Variants in DDB2 observed in about 807,000 individuals in gnomAD.
The protein encoded by DDB2 is DNA damage-binding protein 2.
In DDB2, 27 loss-of-function variants were observed where a neutral mutation model predicts 50.5. The observed-to-expected ratio is 0.53, with a 90% CI of 0.39 to 0.74. The LOEUF (loss-of-function observed/expected upper bound fraction) is 0.74. Ranked by LOEUF, DDB2 falls within the 30% of genes least tolerant of loss-of-function variation. DDB2 has a pLI of 0.00. For synonymous variants in DDB2, 176 were observed against 205.5 expected (o/e 0.86, Z 1.23); for missense variants, 424 against 545.6 (o/e 0.78, Z 2.22).
At chr11:47,231,742 A>C (rs908143737) in intron 3 of DDB2, among the ~76,000 whole-genome samples, 2 of 149,672 alleles carry the variant, frequency 1.3e-5, no homozygotes, top group Non-Finnish European at 3.0e-5. Context: ...CTGGTCTTGA[A>C]CTCCTGGCCT....
chr11:47,224,145 C>T (rs1953525601), intron 3 of DDB2, among the ~76,000 whole-genome samples: 1 of 152,146 alleles, frequency 6.6e-6, no homozygotes, highest in African/African-American at 2.4e-5. Context: ...CCTTATGTTC[C>T]TGTCTATGTA....
rs762435826 is a variant in DDB2 at position 47,215,167 on chromosome 11, A to G, written c.31A>G (p.Lys11Glu). 6.2e-7 allele frequency: 1 copy of G among 1,614,020 alleles called. No homozygotes were observed. Among genetic ancestry groups the G allele is most frequent in the Non-Finnish European group, 8.5e-7 (1 of 1,180,006 alleles). Reference protein sequence around the residue: MAPKKRPETQKTSEIVLRPRN... With the variant: MAPKKRPETQETSEIVLRPRN... ...TCCCAAGAAACGCCCAGAAACCCAGAAGACCTCCGAGATTGTATTACGCCC... is the reference window on the plus strand; with the variant it reads ...TCCCAAGAAACGCCCAGAAACCCAGGAGACCTCCGAGATTGTATTACGCCC... The change falls in exon 1 of 10, where the codon AAG becomes GAG. Residue 11 changes from lysine (K) to glutamate (E), a missense_variant. Transcript: ENST00000256996.
chr11:47,238,194 G>A lies in DDB2; in HGVS notation c.1234+11G>A, dbSNP rs763697095. 1.9e-5 allele frequency: 31 copies of A among 1,606,860 alleles called. No homozygotes were observed. In the Middle Eastern group the frequency reaches 1.2e-3, roughly 60 times the overall value. On this transcript the variant is annotated intron_variant, in intron 9 of 9. Transcript: ENST00000256996. Reference sequence around the variant, plus strand: ...TGGCCTCTGCAATGGGTGAGTAGGAGGAGAATGTCTCTGACTTGCCAAGTC... The same window carrying A: ...TGGCCTCTGCAATGGGTGAGTAGGAAGAGAATGTCTCTGACTTGCCAAGTC...
chr11:47,222,447 G>A (rs894197572), intron 3 of DDB2, among the ~76,000 whole-genome samples: 12 of 151,892 alleles, frequency 7.9e-5, no homozygotes, highest in African/African-American at 2.7e-4. Flanking sequence ...CAGCTCAAGC[G>A]ATTCTCCCAC....
At chr11:47,228,141 A>C (rs1327497795) in intron 3 of DDB2, among the ~76,000 whole-genome samples, 2 of 148,780 alleles carry the variant, frequency 1.3e-5, no homozygotes, top group Non-Finnish European at 3.0e-5. Flanking sequence ...TCTGTCTCAA[A>C]AAAAAAAAAA....
At chr11:47,231,144 A>AC (rs58224716) in intron 3 of DDB2, among the ~76,000 whole-genome samples, 35 of 141,480 alleles carry the variant, frequency 2.5e-4, no homozygotes, top group African/African-American at 5.6e-4. Context: ...AAAAAAAAAA[A>AC]CACACAAAGA....
chr11:47,234,121 A>G (rs1307678448), intron 4 of DDB2, among the ~76,000 whole-genome samples: 1 of 152,110 alleles, frequency 6.6e-6, no homozygotes, highest in Non-Finnish European at 1.5e-5. Flanking sequence ...CCCAGTGTTC[A>G]GAAGGGGGCA....
At chr11:47,228,374 C>T (rs1056248913) in intron 3 of DDB2, among the ~76,000 whole-genome samples, 1 of 151,384 alleles carries the variant, frequency 6.6e-6, no homozygotes, top group Non-Finnish European at 1.5e-5. Context: ...GGTGCGGTGG[C>T]TCACTCCTGT....
At chr11:47,229,380 G>A (rs1221880526) in intron 3 of DDB2, among the ~76,000 whole-genome samples, 2 of 152,160 alleles carry the variant, frequency 1.3e-5, no homozygotes, top group African/African-American at 4.8e-5. Context: ...ATGGAGAGGG[G>A]CGGCCGTGGC....
chr11:47,226,734 C>CTTTTTTTTTTTTTTTT (rs542832519), intron 3 of DDB2, among the ~76,000 whole-genome samples: 1 of 124,612 alleles, frequency 8.0e-6, no homozygotes, highest in African/African-American at 3.4e-5. Context: ...AGTCCTTTGC[C>CTTTTTTTTTTTTTTTT]TTTTTTTTTT....
intron 3 of DDB2, among the ~76,000 whole-genome samples, chr11:47,227,912 G>C (rs2596398): frequency 0.72 from 109,894 of 151,642 alleles, 41,363 homozygotes; most frequent in Non-Finnish European, 0.84. Flanking sequence ...GAGGCCGAGG[G>C]GGTCGGATTA....
At chr11:47,227,185 C>A (rs1035733234) in intron 3 of DDB2, among the ~76,000 whole-genome samples, 7 of 127,096 alleles carry the variant, frequency 5.5e-5, no homozygotes, top group African/African-American at 2.1e-4. Context: ...CGGCTCACTG[C>A]AGTCTCCACC....
chr11:47,223,093 T>TA (rs1284362823), intron 3 of DDB2, among the ~76,000 whole-genome samples: 1 of 152,230 alleles, frequency 6.6e-6, no homozygotes, highest in Non-Finnish European at 1.5e-5. Flanking sequence ...TCACAGTTTT[T>TA]AAAATTATTT....
intron 3 of DDB2, among the ~76,000 whole-genome samples, chr11:47,230,580 C>T (rs574598023): frequency 1.3e-5 from 2 of 152,158 alleles, no homozygotes; most frequent in South Asian, 2.1e-4. Flanking sequence ...TGGAGGGAGC[C>T]GAAGATTGTC....
At chr11:47,234,715 C>T in intron 5 of DDB2, 42 bp from the exon 6 acceptor site, 1 of 1,614,058 alleles carries the variant, frequency 6.2e-7, no homozygotes, top group Non-Finnish European at 8.5e-7. Flanking sequence ...TCACCCCCAC[C>T]TCGGTTCTGT....
intron 8 of DDB2, 62 bp downstream of exon 8, chr11:47,238,063 CA>C: frequency 6.2e-7 from 1 of 1,611,926 alleles, no homozygotes; most frequent in Non-Finnish European, 8.5e-7. Flanking sequence ...CCTTATTGAC[CA>C]AAAGTGACCA....
At chr11:47,229,134 T>C (rs1953607448) in intron 3 of DDB2, among the ~76,000 whole-genome samples, 1 of 152,004 alleles carries the variant, frequency 6.6e-6, no homozygotes, top group African/African-American at 2.4e-5. Flanking sequence ...GTGCTGGAAG[T>C]GCCAGATGCT....
intron 6 of DDB2, 129 bp from the exon 7 acceptor site, chr11:47,235,141 C>G (rs1953706379): frequency 2.8e-6 from 4 of 1,415,562 alleles, no homozygotes; most frequent in Admixed American, 1.7e-5. Flanking sequence ...AGCCCAGATT[C>G]ACCTCTTCCT....
chr11:47,215,996 C>A, intron 1 of DDB2: 1 of 415,222 alleles, frequency 2.4e-6, no homozygotes, highest in South Asian at 2.2e-5. Flanking sequence ...AAAATTGTGA[C>A]CCAGTCCCAT....
Sources: gnomAD v4.1 joint callset for allele counts (sites outside exome capture counted in the v4.1 genomes callset) on GRCh38, gnomAD v4.1.1 for gene constraint, MANE v1.5 for transcripts, NCBI Gene and HGNC (gene_info 2026-07-23, HGNC 2026-07-21) for gene names.